GRIP1: variants seen among roughly 807,000 people sequenced by gnomAD.
GRIP1 encodes glutamate receptor interacting protein 1.
GRIP1 carries 45 observed loss-of-function variants against 129.9 expected under a neutral mutation model. The observed-to-expected ratio is 0.35, with a 90% CI of 0.27 to 0.44. GRIP1 has a LOEUF of 0.44. Among genes scored for constraint, GRIP1 ranks in the 20% least tolerant of loss-of-function variants. The pLI is 1.00. For synonymous variants in GRIP1, 530 were observed against 520.8 expected (o/e 1.02, Z -0.24); for missense variants, 1,196 against 1,396.8 (o/e 0.86, Z 2.29).
chr12:66,683,859 ATC>A (rs1386510554), upstream of GRIP1, among the ~76,000 whole-genome samples: 1 of 152,196 alleles, frequency 6.6e-6, no homozygotes, highest in East Asian at 1.9e-4. Context: ...AAGAGGAAAA[ATC>A]TACCAGAAAT....
At chr12:66,946,085 G>C (rs1357240370) in intron 1 of GRIP1, among the ~76,000 whole-genome samples, 1 of 152,144 alleles carries the variant, frequency 6.6e-6, no homozygotes, top group Admixed American at 6.5e-5. Context: ...TTACTGCCCA[G>C]CACTGCCCAG....
chr12:66,913,030 A>G (rs141531169), intron 1 of GRIP1, among the ~76,000 whole-genome samples: 270 of 152,298 alleles, frequency 1.8e-3, no homozygotes, highest in African/African-American at 6.1e-3. Flanking sequence ...TAGAAGCTGA[A>G]AAACTGCCTA....
intron 1 of GRIP1, among the ~76,000 whole-genome samples, chr12:66,730,653 G>A (rs1260313506): frequency 2.4e-4 from 31 of 128,378 alleles, no homozygotes; most frequent in Non-Finnish European, 1.1e-4. Context: ...CAAGCCCAAA[G>A]CCTAAATGGA....
chr12:66,427,261 T>G (rs914788040), intron 14 of GRIP1, among the ~76,000 whole-genome samples: 18 of 152,166 alleles, frequency 1.2e-4, no homozygotes, highest in African/African-American at 3.6e-4. Context: ...CTTTTTGTCC[T>G]TATGAGTTTT....
In GRIP1 at chr12:66,766,671, A is replaced by G. The variant is rs541504993; in HGVS notation, c.-420+37382T>C. Among the ~76,000 whole-genome samples the G allele has an allele frequency of 5.7e-4, 87 of 152,148 alleles. 1 individual carries two copies. Among genetic ancestry groups the G allele is most frequent in the South Asian group, 3.3e-3 (16 of 4,804 alleles). ...CTTCCATGTAGGGAGATTCAGTAAC[A>G]GTACAGGAGGTTCTCACGTTACGAG... On this transcript the variant is annotated intron_variant, in intron 1 of 4. Coordinates refer to the GRIP1 transcript ENST00000538373.
At chr12:66,731,880 C>T (rs1483364081) in intron 1 of GRIP1, among the ~76,000 whole-genome samples, 1 of 152,116 alleles carries the variant, frequency 6.6e-6, no homozygotes, top group Non-Finnish European at 1.5e-5. Context: ...TGTATTGACA[C>T]ATAAAATATG....
At chr12:67,027,499 T>C (rs376892158) in intron 1 of GRIP1, among the ~76,000 whole-genome samples, 1 of 152,232 alleles carries the variant, frequency 6.6e-6, no homozygotes, top group African/African-American at 2.4e-5. Context: ...ACTTAGGCTA[T>C]AGTGACGTGC....
chr12:66,638,755 C>CT (rs1422021868), intron 1 of GRIP1, among the ~76,000 whole-genome samples: 1 of 151,342 alleles, frequency 6.6e-6, no homozygotes, highest in Non-Finnish European at 1.5e-5. Flanking sequence ...CTCTCTCTCT[C>CT]TTTTTTTTGT....
chr12:66,441,265 C>T (rs572917584), intron 13 of GRIP1, among the ~76,000 whole-genome samples: 2 of 152,330 alleles, frequency 1.3e-5, no homozygotes, highest in South Asian at 2.1e-4. Context: ...TTCCAAAATG[C>T]CACCTTCTTT....
chr12:66,530,929 A>G (rs1009367269), intron 4 of GRIP1, among the ~76,000 whole-genome samples: 4 of 151,840 alleles, frequency 2.6e-5, no homozygotes, highest in African/African-American at 9.7e-5. Flanking sequence ...TATTAGATAA[A>G]ACTATCAGCA....
intron 5 of GRIP1, among the ~76,000 whole-genome samples, chr12:66,526,921 A>G (rs1307388663): frequency 7.2e-6 from 1 of 138,104 alleles, no homozygotes; most frequent in African/African-American, 2.8e-5. Context: ...AAACACATGA[A>G]GAAATGCTCA....
chr12:67,014,173 C>T (rs911920652), intron 1 of GRIP1, among the ~76,000 whole-genome samples: 4 of 152,274 alleles, frequency 2.6e-5, no homozygotes, highest in African/African-American at 4.8e-5. Flanking sequence ...GCCAATAAAA[C>T]GCTTCTACTA....
chr12:66,972,828 C>T (rs1362624120), intron 1 of GRIP1, among the ~76,000 whole-genome samples: 1 of 152,172 alleles, frequency 6.6e-6, no homozygotes, highest in Non-Finnish European at 1.5e-5. Flanking sequence ...ACCATGAAAC[C>T]CCTAAACTTA....
At chr12:66,821,756 T>G (rs922918330) in intron 1 of GRIP1, among the ~76,000 whole-genome samples, 12 of 152,056 alleles carry the variant, frequency 7.9e-5, no homozygotes, top group Non-Finnish European at 1.5e-4. Flanking sequence ...GGAAGTGACT[T>G]AGGAGGAAAA....
chr12:66,541,241 T>G (rs2061771660), intron 3 of GRIP1, among the ~76,000 whole-genome samples: 1 of 152,208 alleles, frequency 6.6e-6, no homozygotes, highest in Admixed American at 6.5e-5. Flanking sequence ...CTAGTGGAAT[T>G]TGCAGTTCAT....
intron 1 of GRIP1, among the ~76,000 whole-genome samples, chr12:66,718,718 G>A (rs1702704803): frequency 6.6e-6 from 1 of 152,084 alleles, no homozygotes; most frequent in Non-Finnish European, 1.5e-5. Context: ...CAGGCATGGT[G>A]GCAGGCACCT....
intron 1 of GRIP1, among the ~76,000 whole-genome samples, chr12:66,661,838 T>G (rs796539787): frequency 3.3e-5 from 5 of 152,300 alleles, no homozygotes; most frequent in African/African-American, 1.2e-4. Flanking sequence ...TAAGACATTT[T>G]AAGTCAAATG....
intron 1 of GRIP1, among the ~76,000 whole-genome samples, chr12:66,689,910 T>C (rs1220308270): frequency 4.6e-5 from 7 of 152,022 alleles, no homozygotes; most frequent in African/African-American, 1.4e-4. Flanking sequence ...AAATTATTTA[T>C]TTTTATTTAT....
chr12:66,965,596 T>TGTGA lies in GRIP1; in HGVS notation c.58+103453_58+103454insTCAC, dbSNP rs1308974868. ...GTGTGTGTGTGTGTGTGTGTGTGTGTGAGATATTATTACTAAAATGGGACT... is the reference window on the plus strand; with the variant it reads ...GTGTGTGTGTGTGTGTGTGTGTGTGTGTGAGAGATATTATTACTAAAATGGGACT... On this transcript the variant is annotated intron_variant, in intron 1 of 1. Transcript: ENST00000643019. Among the ~76,000 whole-genome samples, 528 of 146,852 alleles carry TGTGA rather than the reference T, an allele frequency of 3.6e-3. 6 individuals carry two copies. Among genetic ancestry groups the TGTGA allele is most frequent in the African/African-American group, 0.013 (506 of 39,392 alleles).
Sources: allele counts gnomAD v4.1 joint callset (sites outside exome capture counted in the v4.1 genomes callset), GRCh38; gene constraint gnomAD v4.1.1; transcripts MANE v1.5; gene names NCBI Gene and HGNC (gene_info 2026-07-23, HGNC 2026-07-21).